The following NLGN4Y variants were observed in gnomAD, a reference collection of about 807,000 sequenced individuals.
NLGN4Y encodes the protein neuroligin-4, Y-linked.
Under a neutral mutation model 8.4 loss-of-function variants are expected in NLGN4Y, and 4 were observed. The ratio of observed to expected loss-of-function variants is 0.48; its 90% CI spans 0.23 to 1.09. The LOEUF is 1.09. NLGN4Y is among the 50% of genes least tolerant of loss of function. The pLI is 0.19. For missense variants in NLGN4Y, 90 were observed against 192.3 expected (o/e 0.47, Z 3.15); for synonymous variants, 35 against 75.6 (o/e 0.46, Z 2.78).
intron 2 of NLGN4Y, among the ~76,000 whole-genome samples, chrY:14,632,872 A>T: frequency 3.0e-5 from 1 of 33,801 alleles, no homozygotes; most frequent in Admixed American, 2.7e-4. Context: ...TTGAATATTG[A>T]GTAATAATCT....
chrY:14,797,523 C>T, intron 4 of NLGN4Y, among the ~76,000 whole-genome samples: 1 of 33,103 alleles, frequency 3.0e-5, no homozygotes, highest in Non-Finnish European at 7.4e-5. Flanking sequence ...GTCTCGATCT[C>T]CTGACCTCGT....
At chrY:14,536,772 G>A in intron 1 of NLGN4Y, among the ~76,000 whole-genome samples, 1 of 32,795 alleles carries the variant, frequency 3.0e-5, no homozygotes, top group African/African-American at 1.2e-4. Context: ...TGTGGGTGGT[G>A]CATGTCTGTA....
chrY:14,809,667 C>A (rs2043070688), intron 4 of NLGN4Y, among the ~76,000 whole-genome samples: 1 of 30,852 alleles, frequency 3.2e-5, no homozygotes, highest in African/African-American at 1.3e-4. Context: ...CCTGCCTCAG[C>A]CTCCCAAGTA....
chrY:14,633,910 G>A (rs1603501758), intron 2 of NLGN4Y, among the ~76,000 whole-genome samples: 2 of 33,010 alleles, frequency 6.1e-5, no homozygotes, highest in South Asian at 6.9e-4. Flanking sequence ...TTCCTATTCC[G>A]CTTTTTGGTT....
At chrY:14,728,595 A>G (rs2080962695) in intron 4 of NLGN4Y, among the ~76,000 whole-genome samples, 1 of 33,926 alleles carries the variant, frequency 2.9e-5, no homozygotes, top group South Asian at 6.5e-4. Flanking sequence ...TACATGCTAC[A>G]ATATAAATAA....
intron 2 of NLGN4Y, among the ~76,000 whole-genome samples, chrY:14,649,502 C>G: frequency 3.0e-5 from 1 of 32,885 alleles, no homozygotes; most frequent in Non-Finnish European, 7.4e-5. Flanking sequence ...CTCTCTGCCC[C>G]ACACACTGAT....
At chrY:14,591,380 T>C (rs1006245840) in intron 1 of NLGN4Y, among the ~76,000 whole-genome samples, 3 of 33,285 alleles carry the variant, frequency 9.0e-5, no homozygotes, top group Non-Finnish European at 2.2e-4. Flanking sequence ...CCCTGTGTTC[T>C]ATTTTCCCAT....
intron 4 of NLGN4Y, among the ~76,000 whole-genome samples, chrY:14,810,291 C>T (rs777437620): frequency 1.5e-4 from 5 of 33,925 alleles, no homozygotes; most frequent in African/African-American, 2.3e-4. Context: ...TGGCTCATGC[C>T]TGTAATCCCA....
At chrY:14,675,364 C>A in intron 2 of NLGN4Y, among the ~76,000 whole-genome samples, 1 of 32,764 alleles carries the variant, frequency 3.1e-5, no homozygotes, top group Non-Finnish European at 7.5e-5. Context: ...TTCCATCCAC[C>A]AAATGTCTGA....
intron 6 of NLGN4Y, among the ~76,000 whole-genome samples, 170 bp downstream of exon 6, chrY:14,830,689 C>G (rs2043176400): frequency 3.0e-4 from 10 of 33,593 alleles, no homozygotes; most frequent in African/African-American, 1.2e-3. Context: ...CCCCCATCAT[C>G]TGTGAGAACT....
intron 2 of NLGN4Y, among the ~76,000 whole-genome samples, chrY:14,690,509 G>A (rs2080806439): frequency 6.1e-5 from 2 of 32,732 alleles, no homozygotes; most frequent in African/African-American, 2.4e-4. Flanking sequence ...TGATGAAAAA[G>A]TGAACAAGAC....
intron 1 of NLGN4Y, among the ~76,000 whole-genome samples, chrY:14,619,758 C>T: frequency 3.0e-5 from 1 of 33,593 alleles, no homozygotes; most frequent in Non-Finnish European, 7.4e-5. Flanking sequence ...ATAGCAAAGA[C>T]ATGGAATCAA....
At chrY:14,827,453 G>T in intron 5 of NLGN4Y, among the ~76,000 whole-genome samples, 1 of 33,445 alleles carries the variant, frequency 3.0e-5, no homozygotes, top group African/African-American at 1.2e-4. Context: ...GCAAGGCAGT[G>T]CTTCTAAACA....
intron 1 of NLGN4Y, among the ~76,000 whole-genome samples, chrY:14,598,713 C>A (rs868794385): frequency 3.7e-3 from 118 of 31,679 alleles, no homozygotes; most frequent in African/African-American, 0.013. Flanking sequence ...AGGGGAGGTG[C>A]CAAGAGCAAG....
intron 4 of NLGN4Y, among the ~76,000 whole-genome samples, chrY:14,788,962 C>CT (rs377294035): frequency 2.9e-4 from 8 of 27,220 alleles, no homozygotes; most frequent in South Asian, 1.7e-3. Context: ...CATGCCCTTT[C>CT]TTTTTTTTTT....
chrY:14,552,617 A>G, intron 1 of NLGN4Y, among the ~76,000 whole-genome samples: 1 of 33,977 alleles, frequency 2.9e-5, no homozygotes, highest in African/African-American at 1.1e-4. Context: ...GGAAGTCTGA[A>G]TCAATATATG....
chrY:14,599,155 TTA>T (rs2080418209), intron 1 of NLGN4Y, among the ~76,000 whole-genome samples: 1 of 28,047 alleles, frequency 3.6e-5, no homozygotes, highest in Non-Finnish European at 8.1e-5. Flanking sequence ...AGAGTAGTGT[TTA>T]TATATATACA....
intron 4 of NLGN4Y, among the ~76,000 whole-genome samples, chrY:14,805,584 T>C: frequency 8.8e-5 from 3 of 34,158 alleles, no homozygotes; most frequent in Non-Finnish European, 1.5e-4. Flanking sequence ...ACCAAGTTTG[T>C]GTATGTTATG....
intron 2 of NLGN4Y, among the ~76,000 whole-genome samples, chrY:14,700,385 C>T: frequency 3.0e-5 from 1 of 33,677 alleles, no homozygotes; most frequent in African/African-American, 1.2e-4. Flanking sequence ...ACTACAATTT[C>T]TAACACTTAG....
Sources: gnomAD v4.1 joint callset for allele counts (sites outside exome capture counted in the v4.1 genomes callset) on GRCh38, gnomAD v4.1.1 for gene constraint, MANE v1.5 for transcripts, NCBI Gene and HGNC (gene_info 2026-07-23, HGNC 2026-07-21) for gene names.